The following KCND2 variants were observed in gnomAD, a reference collection of about 807,000 sequenced individuals.
The protein encoded by KCND2 is potassium voltage-gated channel subfamily D member 2.
A neutral mutation model predicts 54.4 loss-of-function variants in KCND2; 16 were observed. The observed-to-expected ratio is 0.29, with a 90% CI of 0.20 to 0.45. The LOEUF is 0.45. KCND2 is among the 20% of genes least tolerant of loss of function. The pLI, the probability that KCND2 is intolerant of heterozygous loss-of-function variation, is 1.00. For missense variants in KCND2, 486 were observed against 824.2 expected (o/e 0.59, Z 5.02); for synonymous variants, 317 against 310.7 (o/e 1.02, Z -0.21).
At chr7:120,735,132 A>C (rs10266090) in intron 2 of KCND2, among the ~76,000 whole-genome samples, 5,316 of 152,122 alleles carry the variant, frequency 0.035, 303 homozygotes, top group African/African-American at 0.12. Flanking sequence ...TACAGAGAAG[A>C]GTTAGAAATA....
intron 1 of KCND2, among the ~76,000 whole-genome samples, chr7:120,391,870 T>C (rs1023562973): frequency 2.4e-4 from 36 of 152,262 alleles, no homozygotes; most frequent in African/African-American, 8.2e-4. Flanking sequence ...GTCGGTTGCC[T>C]GTACACTCTG....
At chr7:120,432,223 TC>T (rs1801800725) in intron 1 of KCND2, among the ~76,000 whole-genome samples, 1 of 152,186 alleles carries the variant, frequency 6.6e-6, no homozygotes, top group Non-Finnish European at 1.5e-5. Flanking sequence ...TCCTGGTCAC[TC>T]CCCTCAAGAC....
chr7:120,351,751 T>A, intron 1 of KCND2, among the ~76,000 whole-genome samples: 1 of 152,144 alleles, frequency 6.6e-6, no homozygotes, highest in East Asian at 1.9e-4. Flanking sequence ...CTCCTGGCAC[T>A]ATATACTATA....
At chr7:120,522,412 A>T (rs1791710042) in intron 1 of KCND2, among the ~76,000 whole-genome samples, 1 of 152,170 alleles carries the variant, frequency 6.6e-6, no homozygotes, top group Non-Finnish European at 1.5e-5. Context: ...GCTTTTGCTA[A>T]GGGAATTACT....
chr7:120,594,472 A>G (rs1435099736), intron 1 of KCND2, among the ~76,000 whole-genome samples: 1 of 152,226 alleles, frequency 6.6e-6, no homozygotes, highest in Non-Finnish European at 1.5e-5. Flanking sequence ...AACTTACTGT[A>G]TCCTCACATG....
chr7:120,426,377 TTATA>T (rs1801705995), intron 1 of KCND2, among the ~76,000 whole-genome samples: 1 of 152,146 alleles, frequency 6.6e-6, no homozygotes, highest in East Asian at 1.9e-4. Flanking sequence ...TCCAACAGAT[TTATA>T]TAACTTTGAA....
intron 1 of KCND2, among the ~76,000 whole-genome samples, chr7:120,515,690 G>C (rs1162393326): frequency 1.3e-5 from 2 of 152,136 alleles, no homozygotes; most frequent in Admixed American, 6.6e-5. Flanking sequence ...GCTGGGGCTT[G>C]TTTCCACCTC....
intron 1 of KCND2, among the ~76,000 whole-genome samples, chr7:120,566,689 T>A (rs1445245483): frequency 6.6e-6 from 1 of 152,016 alleles, no homozygotes; most frequent in Non-Finnish European, 1.5e-5. Context: ...TAAGGGTCGC[T>A]AAGGCTCAGA....
intron 1 of KCND2, among the ~76,000 whole-genome samples, chr7:120,492,656 C>G (rs994225289): frequency 2.0e-5 from 3 of 152,036 alleles, no homozygotes; most frequent in Admixed American, 2.0e-4. Context: ...ACTACAGATG[C>G]TCCTCAGCTT....
At chr7:120,570,229 G>A (rs192915678) in intron 1 of KCND2, among the ~76,000 whole-genome samples, 1 of 152,214 alleles carries the variant, frequency 6.6e-6, no homozygotes, top group African/African-American at 2.4e-5. Flanking sequence ...ATTTCACAGA[G>A]TGAAATAACA....
At chr7:120,500,243 C>T (rs985900464) in intron 1 of KCND2, among the ~76,000 whole-genome samples, 1 of 152,152 alleles carries the variant, frequency 6.6e-6, no homozygotes, top group African/African-American at 2.4e-5. Flanking sequence ...ATTACTTATT[C>T]TGTGGCTTAC....
intron 1 of KCND2, among the ~76,000 whole-genome samples, chr7:120,628,657 T>C (rs1793191039): frequency 6.6e-6 from 1 of 152,210 alleles, no homozygotes; most frequent in African/African-American, 2.4e-5. Context: ...CAGAGCTAAC[T>C]ATGTCCCTAG....
intron 1 of KCND2, among the ~76,000 whole-genome samples, chr7:120,468,794 A>G (rs1802414598): frequency 6.6e-6 from 1 of 152,120 alleles, no homozygotes; most frequent in South Asian, 2.1e-4. Flanking sequence ...AATGTGCAAT[A>G]AACAGCAGAC....
chr7:120,548,923 G>T (rs1479358602), intron 1 of KCND2, among the ~76,000 whole-genome samples: 1 of 152,146 alleles, frequency 6.6e-6, no homozygotes, highest in Non-Finnish European at 1.5e-5. Flanking sequence ...TGACCAAAGA[G>T]AGGTGCATAG....
chr7:120,290,708 C>T (rs546743149), intron 1 of KCND2, among the ~76,000 whole-genome samples: 2 of 152,050 alleles, frequency 1.3e-5, no homozygotes, highest in East Asian at 3.9e-4. Flanking sequence ...ATATCCTGTA[C>T]ATTAAGAGCT....
chr7:120,448,769 C>G (rs942654617), intron 1 of KCND2, among the ~76,000 whole-genome samples: 2 of 152,156 alleles, frequency 1.3e-5, no homozygotes, highest in African/African-American at 4.8e-5. Context: ...GCTGGTTCAA[C>G]ATACTCAAAT....
intron 1 of KCND2, among the ~76,000 whole-genome samples, chr7:120,675,222 A>G (rs1229318643): frequency 6.6e-6 from 1 of 151,454 alleles, no homozygotes; most frequent in African/African-American, 2.4e-5. Flanking sequence ...TTGAGTTTCT[A>G]CTGCTTTTTG....
intron 1 of KCND2, among the ~76,000 whole-genome samples, chr7:120,452,688 G>A (rs549962336): frequency 1.5e-4 from 22 of 149,524 alleles, no homozygotes; most frequent in African/African-American, 5.6e-4. Flanking sequence ...CTCTTGAGTT[G>A]GTGATGAGAG....
At chr7:120,745,527 ATAAAGT>A (rs767851616) in intron 4 of KCND2, among the ~76,000 whole-genome samples, 7 of 151,976 alleles carry the variant, frequency 4.6e-5, no homozygotes, top group African/African-American at 9.7e-5. Flanking sequence ...ATATTTCAAG[ATAAAGT>A]TAGTCTATAA....
Sources: gnomAD v4.1 joint callset for allele counts (sites outside exome capture counted in the v4.1 genomes callset) on GRCh38, gnomAD v4.1.1 for gene constraint, MANE v1.5 for transcripts, NCBI Gene and HGNC (gene_info 2026-07-23, HGNC 2026-07-21) for gene names.